CYP4F22: variants seen among roughly 807,000 people sequenced by gnomAD.
The protein encoded by CYP4F22 is cytochrome P450 family 4 subfamily F member 22, also known as ultra-long-chain fatty acid omega-hydroxylase.
Under a neutral mutation model 60.4 loss-of-function variants are expected in CYP4F22, and 37 were observed. The ratio of observed to expected loss-of-function variants is 0.61; its 90% CI spans 0.47 to 0.81. The LOEUF is 0.81. CYP4F22 is among the 30% of genes least tolerant of loss of function. The pLI, the probability that CYP4F22 is intolerant of heterozygous loss-of-function variation, is 0.00. For synonymous variants in CYP4F22, 258 were observed against 280.5 expected, an observed-to-expected ratio of 0.92 and a Z score of 0.80; for missense variants, 655 against 715.0, an observed-to-expected ratio of 0.92 and a Z score of 0.96.
intron 3 of CYP4F22, among the ~76,000 whole-genome samples, chr19:15,527,951 C>A (rs540173189): frequency 3.0e-4 from 45 of 152,296 alleles, no homozygotes; most frequent in African/African-American, 1.0e-3. Context: ...ATTTTTCTGA[C>A]GTTGAGCCTG....
At chr19:15,536,417 AGAGATTTG>A (rs1447667179) in intron 4 of CYP4F22, among the ~76,000 whole-genome samples, 21 of 152,138 alleles carry the variant, frequency 1.4e-4, no homozygotes, top group African/African-American at 5.1e-4. Context: ...GTGTCTTGAG[AGAGATTTG>A]GACAAAGGCA....
At chr19:15,520,239 A>C (rs1426938894) in intron 1 of CYP4F22, among the ~76,000 whole-genome samples, 1 of 150,722 alleles carries the variant, frequency 6.6e-6, no homozygotes, top group Non-Finnish European at 1.5e-5. Flanking sequence ...CCAGCTACTC[A>C]GGAGGCTGAG....
chr19:15,551,420 C>T lies in CYP4F22; in HGVS notation c.1545C>T (p.Arg515=). ...KVRRKPELIL[R]TENGLWLKVE... is the part of the protein sequence containing the mutation. ...GGCGGAAGCCGGAGCTCATACTGCGCACGGAGAACGGGCTCTGGCTCAAGG... is the reference window on the plus strand; with the variant it reads ...GGCGGAAGCCGGAGCTCATACTGCGTACGGAGAACGGGCTCTGGCTCAAGG... Residue 515 remains arginine, a synonymous_variant, in exon 14 of 14, where the codon CGC becomes CGT. Coordinates refer to ENST00000269703, the MANE Select transcript of CYP4F22 (RefSeq NM_173483.4). 6.3e-7 allele frequency: 1 copy of T among 1,594,468 alleles called. No individual in the cohort carries two copies. The highest frequency in any genetic ancestry group is 1.1e-5 in the South Asian group (1 of 88,216).
intron 1 of CYP4F22, among the ~76,000 whole-genome samples, chr19:15,519,161 G>A (rs1971191343): frequency 1.3e-5 from 2 of 152,238 alleles, no homozygotes; most frequent in African/African-American, 2.4e-5. Context: ...GAGATCCTCA[G>A]GATGTGGGCA....
At chr19:15,529,904 C>T (rs1338635143) in intron 4 of CYP4F22, 51 bp downstream of exon 4, 4 of 1,611,366 alleles carry the variant, frequency 2.5e-6, no homozygotes, top group Middle Eastern at 2.0e-4. Context: ...CTCCCAGAGC[C>T]TATCTGAGAT....
In CYP4F22 at chr19:15,542,375, T is replaced by A. The variant is rs558341438; in HGVS notation, c.940-1596T>A. ...ATTGAAACACCGTCTCTACTAAAAA[T>A]AAAAAAAAAATATTAGCCGGGCGTG... On this transcript the variant is annotated intron_variant, in intron 8 of 13. Coordinates refer to ENST00000269703, the MANE Select transcript of CYP4F22 (RefSeq NM_173483.4). Among the ~76,000 whole-genome samples the A allele has an allele frequency of 4.6e-3, 689 of 148,638 alleles. 4 individuals are homozygous for A. The highest frequency in any genetic ancestry group is 4.2e-3 in the Non-Finnish European group (285 of 67,206).
intron 1 of CYP4F22, among the ~76,000 whole-genome samples, chr19:15,520,434 T>C (rs546133966): frequency 6.6e-6 from 1 of 150,670 alleles, no homozygotes; most frequent in African/African-American, 2.4e-5. Context: ...TTTGCTCTTG[T>C]CACCATTTAT....
intron 7 of CYP4F22, 142 bp from the exon 8 acceptor site, chr19:15,540,308 T>C: frequency 9.8e-7 from 1 of 1,017,444 alleles, no homozygotes; most frequent in South Asian, 1.5e-5. Flanking sequence ...AAAAAATAAA[T>C]AAATGAATTT....
chr19:15,524,950 T>C (rs1301436013), intron 2 of CYP4F22, among the ~76,000 whole-genome samples: 1 of 152,144 alleles, frequency 6.6e-6, no homozygotes, highest in African/African-American at 2.4e-5. Context: ...GTGGAACCTA[T>C]ATCTCAGGGT....
intron 4 of CYP4F22, among the ~76,000 whole-genome samples, chr19:15,532,215 C>T (rs567762690): frequency 6.6e-6 from 1 of 151,132 alleles, no homozygotes; most frequent in African/African-American, 2.4e-5. Context: ...CTTCTTCCTC[C>T]CTCTTCTCCT....
chr19:15,509,370 A>C (rs1217601727), intron 1 of CYP4F22, among the ~76,000 whole-genome samples: 2 of 151,918 alleles, frequency 1.3e-5, no homozygotes, highest in African/African-American at 4.8e-5. Flanking sequence ...TCATTCATGC[A>C]CTCATTGTGA....
At chr19:15,537,258 A>G (rs1164825694) in intron 4 of CYP4F22, 103 bp from the exon 5 acceptor site, 3 of 1,457,006 alleles carry the variant, frequency 2.1e-6, no homozygotes, top group Non-Finnish European at 2.9e-6. Flanking sequence ...TGGAGATCGC[A>G]CCACTGCACT....
chr19:15,542,141 A>C lies in CYP4F22; in HGVS notation c.939+1424A>C, dbSNP rs1055574680. On this transcript the variant is annotated intron_variant, in intron 8 of 13. Coordinates refer to ENST00000269703, the MANE Select transcript of CYP4F22 (RefSeq NM_173483.4). Reference sequence around the variant, plus strand: ...GGATGCTTGGTGTTGGAGGCTGCTCAAGAAATATGAACTTCCTTCTTCTCC... The same window carrying C: ...GGATGCTTGGTGTTGGAGGCTGCTCCAGAAATATGAACTTCCTTCTTCTCC... Among the ~76,000 whole-genome samples the C allele has an allele frequency of 2.0e-5, 3 of 152,314 alleles. No individual in the cohort carries two copies. In the East Asian group the frequency reaches 5.8e-4, roughly 29 times the overall value.
At chr19:15,511,594 C>T (rs780703349) in intron 1 of CYP4F22, among the ~76,000 whole-genome samples, 2 of 152,170 alleles carry the variant, frequency 1.3e-5, no homozygotes, top group Admixed American at 6.5e-5. Context: ...GTTGAGGAAG[C>T]CAAGGTGGCA....
At chr19:15,547,018 G>GTTTGTTTTTTT (rs557172090) in intron 10 of CYP4F22, among the ~76,000 whole-genome samples, 1 of 82,330 alleles carries the variant, frequency 1.2e-5, no homozygotes, top group African/African-American at 5.7e-5. Context: ...GCCTGCACCA[G>GTTTGTTTTTTT]TTTTTTTTTT....
chr19:15,539,156 TC>T (rs1257548393), intron 7 of CYP4F22, among the ~76,000 whole-genome samples: 1 of 152,080 alleles, frequency 6.6e-6, no homozygotes, highest in African/African-American at 2.4e-5. Flanking sequence ...TCATCAATCC[TC>T]CCCCACCCCA....
At chr19:15,541,091 C>G (rs1251626677) in intron 8 of CYP4F22, among the ~76,000 whole-genome samples, 1 of 152,158 alleles carries the variant, frequency 6.6e-6, no homozygotes, top group African/African-American at 2.4e-5. Flanking sequence ...CAAAACAAAA[C>G]AAAACAATAC....
At chr19:15,517,175 G>A (rs1304698039) in intron 1 of CYP4F22, among the ~76,000 whole-genome samples, 6 of 151,870 alleles carry the variant, frequency 4.0e-5, no homozygotes. Flanking sequence ...TTTTTTGTGG[G>A]TGCCAGACAG....
intron 10 of CYP4F22, among the ~76,000 whole-genome samples, chr19:15,547,350 G>T (rs1758367310): frequency 6.6e-6 from 1 of 152,024 alleles, no homozygotes. Flanking sequence ...GTACAGAAAT[G>T]GACCATATAA....
Sources: allele counts gnomAD v4.1 joint callset (sites outside exome capture counted in the v4.1 genomes callset), GRCh38; gene constraint gnomAD v4.1.1; transcripts MANE v1.5; gene names NCBI Gene and HGNC (gene_info 2026-07-23, HGNC 2026-07-21).